Variants in TDRD7 observed in about 807,000 individuals in gnomAD.
TDRD7 encodes tudor domain-containing protein 7.
Under a neutral mutation model 109.8 loss-of-function variants are expected in TDRD7, and 47 were observed. The ratio of observed to expected loss-of-function variants is 0.43; its 90% CI spans 0.34 to 0.55. The LOEUF (loss-of-function observed/expected upper bound fraction) is 0.55. TDRD7 is among the 20% of genes least tolerant of loss of function. The probability of loss-of-function intolerance (pLI) is 0.03; values close to 1 mark genes in which losing one functional copy is unlikely to be tolerated. For missense variants in TDRD7, 1,164 were observed against 1,319.2 expected (o/e 0.88, Z 1.82); for synonymous variants, 424 against 457.3 (o/e 0.93, Z 0.93).
chr9:97,425,362 T>G (rs749884752), intron 1 of TDRD7, among the ~76,000 whole-genome samples: 2 of 152,198 alleles, frequency 1.3e-5, no homozygotes, highest in Non-Finnish European at 1.5e-5. Context: ...CTATACCTTA[T>G]CTATGCTCAG....
intron 4 of TDRD7, among the ~76,000 whole-genome samples, chr9:97,432,511 CTT>C (rs941987496): frequency 2.0e-5 from 3 of 152,144 alleles, no homozygotes; most frequent in African/African-American, 4.8e-5. Context: ...TTCAGTATAA[CTT>C]ATAACTTTTT....
At chr9:97,426,129 T>C (rs1009835717) in intron 1 of TDRD7, among the ~76,000 whole-genome samples, 5 of 152,246 alleles carry the variant, frequency 3.3e-5, no homozygotes, top group Admixed American at 6.5e-5. Context: ...GAAGTTACTC[T>C]GGATGAGTCA....
chr9:97,478,443 C>T lies in TDRD7; in HGVS notation c.2171C>T (p.Thr724Ile), dbSNP rs1049322850. The change falls in exon 13 of 17, where the codon ACA (threonine) becomes ATA (isoleucine). Residue 724 changes from threonine (T) to isoleucine (I), a missense_variant. Transcript: ENST00000355295. ...CCAACACTTATCTCATTTCAGATCA[C>T]AAATGTTCACAGCAGCCGGGCTCTT... ...CKGKWLRVEI[T>I]NVHSSRALDV... 5.0e-6 allele frequency: 8 copies of T among 1,613,844 alleles called. No individual in the cohort carries two copies. In the African/African-American group the frequency reaches 1.1e-4, roughly 22 times the overall value.
intron 4 of TDRD7, among the ~76,000 whole-genome samples, chr9:97,437,756 A>G (rs537363646): frequency 1.3e-5 from 2 of 152,340 alleles, no homozygotes; most frequent in East Asian, 3.9e-4. Flanking sequence ...AGCTATAAAT[A>G]TGTCTCTAAT....
intron 6 of TDRD7, among the ~76,000 whole-genome samples, chr9:97,452,901 A>C (rs1318038313): frequency 6.6e-6 from 1 of 152,174 alleles, no homozygotes; most frequent in Non-Finnish European, 1.5e-5. Flanking sequence ...TCATTGTTAG[A>C]GGTTTGATAG....
intron 8 of TDRD7, among the ~76,000 whole-genome samples, chr9:97,465,625 C>T (rs1426275850): frequency 2.6e-5 from 4 of 152,118 alleles, no homozygotes; most frequent in East Asian, 1.9e-4. Flanking sequence ...TCCCTGAGAG[C>T]GGTAGTGTCT....
chr9:97,428,604 C>G lies in TDRD7; in HGVS notation c.139C>G (p.Pro47Ala), dbSNP rs757041699. The change falls in exon 2 of 17, where the codon CCT becomes GCT. Residue 47 changes from proline (P) to alanine (A), a missense_variant. By Grantham distance (27) the Pro-to-Ala change is conservative (BLOSUM62 -1). This residue lies in a region of TDRD7 where 101 missense variants were observed against 148.5 expected (regional missense o/e 0.68). Transcript: ENST00000355295. The stretch of plus-strand genomic sequence containing the variant: ...GATCCCCTTCAAACAGCTAGGTTTC[C>G]CTACACTAGAAGCCTATCTGAGAAG... ...DWIPFKQLGF[P>A]TLEAYLRSVP... The G allele has an allele frequency of 6.2e-7, 1 of 1,613,994 alleles. No individual in the cohort carries two copies. The highest frequency in any genetic ancestry group is 1.7e-5 in the Admixed American group (1 of 60,006).
At chr9:97,494,704 A>G (rs1188440621) in intron 16 of TDRD7, among the ~76,000 whole-genome samples, 1 of 94,968 alleles carries the variant, frequency 1.1e-5, no homozygotes, top group Non-Finnish European at 2.3e-5. Context: ...GTATATATAT[A>G]TATATATATT....
chr9:97,487,276 C>A lies in TDRD7; in HGVS notation c.3020C>A (p.Pro1007His), dbSNP rs1416598526. The change falls in exon 16 of 17, where the codon CCC becomes CAC. Residue 1007 changes from proline to histidine, a missense_variant. Physicochemically the swap from Pro to His is moderately conservative, Grantham distance 77. This residue lies in a region of TDRD7 where 162 missense variants were observed against 222.5 expected (regional missense o/e 0.73). Transcript: ENST00000355295. Reference protein sequence around the residue: ...HELVNIRKVQPLVDMFRKLPF... With the variant: ...HELVNIRKVQHLVDMFRKLPF... ...TTAGTCAACATAAGAAAAGTACAGC[C>A]CCTAGTGGACATGTTCCGAAAGCTG... 2 of 1,613,906 alleles carry A rather than the reference C, an allele frequency of 1.2e-6. No homozygotes were observed. Among genetic ancestry groups the A allele is most frequent in the East Asian group, 2.2e-5 (1 of 44,868 alleles).
intron 1 of TDRD7, among the ~76,000 whole-genome samples, chr9:97,420,364 T>TGGGGGGGGGGGG (rs34308257): frequency 4.5e-5 from 3 of 66,886 alleles, no homozygotes; most frequent in African/African-American, 6.8e-5. Context: ...AACTTTTTTT[T>TGGGGGGGGGGGG]GGGGGGGGCG....
Position 97,423,184 on chromosome 9 carries a change from G to C in TDRD7, c.-6-5276G>C, listed in dbSNP as rs113861167. 1.7e-4 allele frequency among the ~76,000 whole-genome samples: 26 copies of C among 152,284 alleles called. 2 individuals are homozygous for C. The highest frequency in any genetic ancestry group is 6.3e-4 in the African/African-American group (26 of 41,570). On this transcript the variant is annotated intron_variant, in intron 1 of 16. Coordinates refer to ENST00000355295, the MANE Select transcript of TDRD7 (RefSeq NM_014290.3). The stretch of plus-strand genomic sequence containing the variant: ...TTTCTTTGTGTGAAGATTTTTAACT[G>C]TAAATTCAAATTCTCTAATAGCTAT...
Position 97,464,997 on chromosome 9 carries a change from A to G in TDRD7, c.1598A>G (p.Gln533Arg), listed in dbSNP as rs1828798550. The G allele has an allele frequency of 2.5e-6, 4 of 1,614,100 alleles. 1 individual carries two copies. The highest frequency in any genetic ancestry group is 3.3e-4 in the Middle Eastern group (2 of 6,062). ...NAEEDAWLRA[Q>R]VISTEENKIK... is the part of the protein sequence containing the mutation. ...GAGGAGGACGCCTGGTTACGGGCAC[A>G]GGTCATCTCAACAGAAGAGAACAAA... is the stretch of plus-strand genomic sequence containing the variant. Residue 533 changes from glutamine to arginine, a missense_variant, in exon 8 of 17, where the codon CAG (glutamine) becomes CGG (arginine). Physicochemically the swap from Gln to Arg is conservative, Grantham distance 43. Transcript: ENST00000355295.
intron 6 of TDRD7, among the ~76,000 whole-genome samples, chr9:97,451,191 A>G (rs989666042): frequency 2.0e-5 from 3 of 152,100 alleles, no homozygotes; most frequent in Admixed American, 6.6e-5. Context: ...GAGGGCATGG[A>G]AGCTCCACAC....
intron 16 of TDRD7, among the ~76,000 whole-genome samples, chr9:97,493,711 G>A (rs1829343579): frequency 6.6e-6 from 1 of 152,134 alleles, no homozygotes; most frequent in Non-Finnish European, 1.5e-5. Context: ...CTACAGCAGT[G>A]ACCATAAAAG....
rs544249661 is a variant in TDRD7, at chr9:97,415,582, A to G, written c.-7+3344A>G. On this transcript the variant is annotated intron_variant, in intron 1 of 16. Coordinates refer to ENST00000355295, the MANE Select transcript of TDRD7 (RefSeq NM_014290.3). Reference sequence around the variant, plus strand: ...TCATCACTCCCCAACTCCCCACCCCACCTCATGTGCATTATTAGTGTCTTG... The same window carrying G: ...TCATCACTCCCCAACTCCCCACCCCGCCTCATGTGCATTATTAGTGTCTTG... 9.9e-5 allele frequency among the ~76,000 whole-genome samples: 15 copies of G among 152,210 alleles called. 1 individual carries two copies. The highest frequency in any genetic ancestry group is 3.6e-4 in the African/African-American group (15 of 41,528).
intron 8 of TDRD7, among the ~76,000 whole-genome samples, chr9:97,467,695 A>T (rs896825247): frequency 6.6e-6 from 1 of 152,254 alleles, no homozygotes; most frequent in Non-Finnish European, 1.5e-5. Context: ...GAAGCAAGAG[A>T]TAGGCAGAGT....
intron 1 of TDRD7, among the ~76,000 whole-genome samples, chr9:97,414,755 TC>T (rs1158921020): frequency 6.6e-6 from 1 of 152,200 alleles, no homozygotes; most frequent in Non-Finnish European, 1.5e-5. Context: ...AGGGTATTAA[TC>T]ATCTTTTTCC....
rs1035311898 is a variant in TDRD7, at chr9:97,480,568, G to C, written c.2302-260G>C. The C allele has an allele frequency of 1.6e-5, 7 of 445,740 alleles. No homozygotes were observed. In the Admixed American group the frequency reaches 1.7e-4, roughly 11 times the overall value. 27.6% of individuals were successfully genotyped at this position (445,740 alleles called of 1,614,324 possible). ...ATGGGGCTGCAACACCTGTCATGCA[G>C]AAGTATTGTACGGTGGGAAGTATAT... On this transcript the variant is annotated intron_variant, in intron 13 of 16. Transcript: ENST00000355295.
At chr9:97,476,354 T>G (rs1237399972) in intron 12 of TDRD7, among the ~76,000 whole-genome samples, 1 of 152,144 alleles carries the variant, frequency 6.6e-6, no homozygotes, top group Non-Finnish European at 1.5e-5. Flanking sequence ...GGAGTTTTGT[T>G]GTGGTTTATC....
Sources: gnomAD v4.1 joint callset for allele counts (sites outside exome capture counted in the v4.1 genomes callset) on GRCh38, gnomAD v4.1.1 for gene constraint, gnomAD v4.1.1 regional missense constraint, MANE v1.5 for transcripts, NCBI Gene and HGNC (gene_info 2026-07-23, HGNC 2026-07-21) for gene names.